ANKRD30B: variants seen among roughly 807,000 people sequenced by gnomAD.
ANKRD30B encodes the protein ankyrin repeat domain 30B.
Under a neutral mutation model 202.2 loss-of-function variants are expected in ANKRD30B, and 144 were observed. The observed-to-expected ratio is 0.71, with a 90% CI of 0.62 to 0.82. The LOEUF (loss-of-function observed/expected upper bound fraction) is 0.82, where lower values mean the gene tolerates loss of function less well. ANKRD30B is among the 40% of genes least tolerant of loss of function. The pLI, the probability that ANKRD30B is intolerant of heterozygous loss-of-function variation, is 0.00. For synonymous variants in ANKRD30B, 508 were observed against 561.3 expected (o/e 0.91, Z 1.34); for missense variants, 1,487 against 1,669.1 (o/e 0.89, Z 1.90).
intron 4 of ANKRD30B, among the ~76,000 whole-genome samples, chr18:14,755,624 C>T (rs1914218346): frequency 6.6e-6 from 1 of 152,126 alleles, no homozygotes; most frequent in East Asian, 1.9e-4. Context: ...TCACTGTTCA[C>T]TTCCCACCTA....
chr18:14,791,517 G>T (rs751352664), intron 16 of ANKRD30B, 26 bp downstream of exon 16: 2 of 1,547,748 alleles, frequency 1.3e-6, no homozygotes, highest in Non-Finnish European at 1.8e-6. Flanking sequence ...TAATTAAAAA[G>T]TCATTTGACC....
the ANKRD30B span, among the ~76,000 whole-genome samples, chr18:14,888,322 T>A: frequency 6.6e-6 from 1 of 151,962 alleles, no homozygotes; most frequent in Non-Finnish European, 1.5e-5. Context: ...ATCATCTGCA[T>A]TATTATTATT....
At chr18:14,908,017 A>AT in the ANKRD30B span, among the ~76,000 whole-genome samples, 1 of 152,242 alleles carries the variant, frequency 6.6e-6, no homozygotes, top group Admixed American at 6.5e-5. Context: ...CAGGAGTCAT[A>AT]TAAAATGGAC....
the ANKRD30B span, among the ~76,000 whole-genome samples, chr18:14,880,071 G>A: frequency 6.6e-6 from 1 of 151,986 alleles, no homozygotes; most frequent in Non-Finnish European, 1.5e-5. Flanking sequence ...GGTGAGAGAT[G>A]AGAATCCAGT....
chr18:14,914,931 A>T, the ANKRD30B span, among the ~76,000 whole-genome samples: 1 of 152,188 alleles, frequency 6.6e-6, no homozygotes, highest in East Asian at 1.9e-4. Context: ...TGGTGATAGG[A>T]TCCACAGGCT....
the ANKRD30B span, among the ~76,000 whole-genome samples, chr18:14,897,258 G>A: frequency 6.6e-6 from 1 of 152,150 alleles, no homozygotes; most frequent in Non-Finnish European, 1.5e-5. Context: ...AAATTGTCAA[G>A]GGTCTTGAAC....
intron 24 of ANKRD30B, chr18:14,808,338 C>G (rs779165507): frequency 8.6e-6 from 5 of 580,766 alleles, no homozygotes; most frequent in Non-Finnish European, 1.6e-5. Context: ...CTTCATAGCA[C>G]GTTTGATGAA....
chr18:14,755,488 G>T (rs9675450), intron 4 of ANKRD30B, among the ~76,000 whole-genome samples: 148,456 of 152,072 alleles, frequency 0.98, 72,558 homozygotes, highest in East Asian at 1. Context: ...CATGTTGGTG[G>T]GCTGCACCCA....
intron 33 of ANKRD30B, among the ~76,000 whole-genome samples, chr18:14,828,561 C>T (rs1230321243): frequency 6.6e-6 from 1 of 152,078 alleles, no homozygotes; most frequent in Non-Finnish European, 1.5e-5. Context: ...AGTAGCTGAC[C>T]CTTGAGTTTG....
At chr18:14,921,486 C>T in the ANKRD30B span, among the ~76,000 whole-genome samples, 1 of 152,184 alleles carries the variant, frequency 6.6e-6, no homozygotes, top group African/African-American at 2.4e-5. Context: ...CACGAGGCCC[C>T]ACCCTGTCTG....
the ANKRD30B span, among the ~76,000 whole-genome samples, chr18:14,870,691 G>C: frequency 1.3e-5 from 2 of 152,070 alleles, no homozygotes; most frequent in Non-Finnish European, 2.9e-5. Flanking sequence ...GGCAAGCCAG[G>C]GTTACAGCCC....
intron 15 of ANKRD30B, among the ~76,000 whole-genome samples, chr18:14,790,064 A>C (rs1357151806): frequency 5.9e-5 from 9 of 151,942 alleles, no homozygotes; most frequent in Non-Finnish European, 5.9e-5. Flanking sequence ...CTTTTATTTC[A>C]TTGAGCAGTG....
At chr18:14,808,980 G>T (rs904630884) in intron 26 of ANKRD30B, among the ~76,000 whole-genome samples, 6 of 150,848 alleles carry the variant, frequency 4.0e-5, no homozygotes, top group South Asian at 2.1e-4. Flanking sequence ...AGCCTGCAAT[G>T]CAATGGGGCC....
At chr18:14,930,188 C>T in the ANKRD30B span, among the ~76,000 whole-genome samples, 1 of 152,160 alleles carries the variant, frequency 6.6e-6, no homozygotes, top group African/African-American at 2.4e-5. Context: ...AGAAGGCAGG[C>T]TGCATCTGCC....
At chr18:14,777,746 A>G (rs920448859) in intron 9 of ANKRD30B, among the ~76,000 whole-genome samples, 1 of 151,882 alleles carries the variant, frequency 6.6e-6, no homozygotes, top group African/African-American at 2.4e-5. Flanking sequence ...GTTCGAGACC[A>G]GCCTGGCCAA....
chr18:14,845,111 C>G (rs1227340704), intron 39 of ANKRD30B, among the ~76,000 whole-genome samples: 1 of 151,900 alleles, frequency 6.6e-6, no homozygotes, highest in Non-Finnish European at 1.5e-5. Flanking sequence ...TCCCATTTGT[C>G]AATTTTAGCT....
At chr18:14,810,061 T>G (rs772648501) in intron 27 of ANKRD30B, 47 bp downstream of exon 27, 2 of 1,463,740 alleles carry the variant, frequency 1.4e-6, no homozygotes, top group Non-Finnish European at 1.9e-6. Flanking sequence ...ACATATTTTA[T>G]GAAGTATACA....
chr18:14,850,165 T>A (rs1971822748), intron 40 of ANKRD30B, 49 bp from the exon 41 acceptor site: 1 of 1,196,784 alleles, frequency 8.4e-7, no homozygotes, highest in South Asian at 1.8e-5. Context: ...TCAAAGTGAA[T>A]TCTATTTTCT....
In ANKRD30B at chr18:14,850,340, A is replaced by G. The variant is rs775505374; in HGVS notation, c.3522A>G (p.Ile1174Met). The change falls in exon 41 of 44, where the codon ATA becomes ATG. Residue 1174 changes from isoleucine (I) to methionine (M), a missense_variant. By Grantham distance (10) the Ile-to-Met change is conservative (BLOSUM62 1). Coordinates refer to ENST00000690538, the MANE Select transcript of ANKRD30B (RefSeq NM_001367607.2). ...AACAACTTGAACAGACTCTCAGAAT[A>G]CAAGATATAGAATTGAAAAGTGTAA... ...VKQQLEQTLR[I>M]QDIELKSVTS... 55 of 1,584,480 alleles carry G rather than the reference A, an allele frequency of 3.5e-5. No individual in the cohort carries two copies. The highest frequency in any genetic ancestry group is 4.5e-5 in the Non-Finnish European group (53 of 1,168,886).
Sources: gnomAD v4.1 joint callset for allele counts (sites outside exome capture counted in the v4.1 genomes callset) on GRCh38, gnomAD v4.1.1 for gene constraint, MANE v1.5 for transcripts, NCBI Gene and HGNC (gene_info 2026-07-23, HGNC 2026-07-21) for gene names.